WWTR1: variants seen among roughly 807,000 people sequenced by gnomAD.
The protein encoded by WWTR1 is WW domain containing transcription regulator 1.
A neutral mutation model predicts 40.1 loss-of-function variants in WWTR1; 13 were observed. The observed-to-expected ratio is 0.32, with a 90% CI of 0.21 to 0.52. The LOEUF (loss-of-function observed/expected upper bound fraction) is 0.52, where lower values mean the gene tolerates loss of function less well. Ranked by LOEUF, WWTR1 falls within the 20% of genes least tolerant of loss-of-function variation. The pLI is 0.97. For synonymous variants in WWTR1, 230 were observed against 210.1 expected, an observed-to-expected ratio of 1.09 and a Z score of -0.82; for missense variants, 436 against 523.1, an observed-to-expected ratio of 0.83 and a Z score of 1.63.
At chr3:149,599,295 T>C (rs778349259) in intron 2 of WWTR1, among the ~76,000 whole-genome samples, 38 of 152,232 alleles carry the variant, frequency 2.5e-4, no homozygotes, top group Admixed American at 3.9e-4. Flanking sequence ...ATGGTTCCCA[T>C]GGCCCATGGC....
At chr3:149,722,359 GT>G (rs1206511474) in intron 4 of WWTR1, among the ~76,000 whole-genome samples, 1 of 148,964 alleles carries the variant, frequency 6.7e-6, no homozygotes, top group South Asian at 2.1e-4. Context: ...GACATTTATT[GT>G]TTTTTTAATG....
chr3:149,652,796 A>G (rs550169626), intron 2 of WWTR1, among the ~76,000 whole-genome samples: 1 of 152,172 alleles, frequency 6.6e-6, no homozygotes, highest in East Asian at 1.9e-4. Context: ...CTAAAAGTTG[A>G]TAAATCAAAA....
At chr3:149,579,542 T>C (rs754083084) in intron 2 of WWTR1, among the ~76,000 whole-genome samples, 7 of 151,956 alleles carry the variant, frequency 4.6e-5, no homozygotes, top group Non-Finnish European at 4.4e-5. Flanking sequence ...CCAGGTGTGG[T>C]GGCTCACACC....
upstream of WWTR1, among the ~76,000 whole-genome samples, chr3:149,660,492 T>G (rs1713522332): frequency 6.6e-6 from 1 of 152,244 alleles, no homozygotes; most frequent in South Asian, 2.1e-4. Context: ...AAACTCCCAG[T>G]TCCCAAATAG....
At chr3:149,522,271 G>A (rs995597793) in intron 6 of WWTR1, among the ~76,000 whole-genome samples, 18 of 152,256 alleles carry the variant, frequency 1.2e-4, no homozygotes, top group Admixed American at 3.9e-4. Flanking sequence ...CAAAATTGCC[G>A]AAAGTTCACT....
rs539141972 is a variant in WWTR1 at position 149,545,202 on chromosome 3, C to T, written c.569-2665G>A. ...CTGGGGTGGGAGGTAAAGGGTTTTG[C>T]ACAGATGGTGTCGCAGGGGAAAAGT... is the stretch of plus-strand genomic sequence containing the variant. On this transcript the variant is annotated intron_variant, in intron 3 of 6. Transcript: ENST00000360632. Among the ~76,000 whole-genome samples, 3 of 152,194 alleles carry T rather than the reference C, an allele frequency of 2.0e-5. No homozygotes were observed. In the South Asian group the frequency reaches 6.2e-4, roughly 32 times the overall value.
At chr3:149,657,330 C>T (rs1160185197) in intron 1 of WWTR1, 21 bp from the exon 2 acceptor site, 1 of 1,595,354 alleles carries the variant, frequency 6.3e-7, no homozygotes, top group Non-Finnish European at 8.5e-7. Context: ...AAGGTCAGAT[C>T]AGCCTTTTAT....
chr3:149,668,950 T>C (rs970327298), intron 2 of WWTR1, among the ~76,000 whole-genome samples: 2 of 152,192 alleles, frequency 1.3e-5, no homozygotes, highest in African/African-American at 4.8e-5. Flanking sequence ...TAATGAATCC[T>C]CCCTTTGACT....
chr3:149,548,415 C>T (rs777908498), intron 3 of WWTR1, among the ~76,000 whole-genome samples: 9 of 152,164 alleles, frequency 5.9e-5, no homozygotes, highest in Admixed American at 2.0e-4. Context: ...TTTTTGGCCT[C>T]GGCAGGTTTC....
At chr3:149,668,795 T>G (rs1382471644) in intron 2 of WWTR1, among the ~76,000 whole-genome samples, 2 of 152,150 alleles carry the variant, frequency 1.3e-5, no homozygotes, top group Non-Finnish European at 2.9e-5. Context: ...ATAAGCTCCC[T>G]CAGACACTCC....
intron 3 of WWTR1, among the ~76,000 whole-genome samples, chr3:149,547,882 C>T (rs1256421759): frequency 6.8e-6 from 1 of 148,120 alleles, no homozygotes; most frequent in Non-Finnish European, 1.5e-5. Flanking sequence ...TTGATAAAAC[C>T]ATGCTCTGCA....
intron 2 of WWTR1, among the ~76,000 whole-genome samples, chr3:149,600,093 G>A (rs1201245433): frequency 6.6e-6 from 1 of 152,150 alleles, no homozygotes; most frequent in Non-Finnish European, 1.5e-5. Context: ...GATGTGTATA[G>A]GCTTTATGCA....
rs114799499 is a variant in WWTR1, at chr3:149,623,041, A to C, written c.431+33835T>G. Reference sequence around the variant, plus strand: ...TGCTAAGAACAAATTCTAATGAAGCACTCAGGATGCATCTTAAAAATCTTT... The same window carrying C: ...TGCTAAGAACAAATTCTAATGAAGCCCTCAGGATGCATCTTAAAAATCTTT... On this transcript the variant is annotated intron_variant, in intron 2 of 6. Coordinates refer to ENST00000360632, the MANE Select transcript of WWTR1 (RefSeq NM_015472.6). 6.5e-3 allele frequency among the ~76,000 whole-genome samples: 996 copies of C among 152,220 alleles called. 8 individuals are homozygous for C. The highest frequency in any genetic ancestry group is 0.023 in the African/African-American group (959 of 41,512).
chr3:149,660,560 A>G (rs2108172653), upstream of WWTR1, among the ~76,000 whole-genome samples: 1 of 152,378 alleles, frequency 6.6e-6, no homozygotes, highest in Non-Finnish European at 1.5e-5. Context: ...AGCCATTCCA[A>G]CAACAGCTTC....
chr3:149,562,385 T>C (rs1239477200), intron 3 of WWTR1, among the ~76,000 whole-genome samples: 1 of 152,126 alleles, frequency 6.6e-6, no homozygotes. Context: ...TTCCAACTAT[T>C]TTTATGTTTG....
intron 3 of WWTR1, among the ~76,000 whole-genome samples, chr3:149,548,445 T>C (rs1205482225): frequency 1.3e-5 from 2 of 152,222 alleles, no homozygotes; most frequent in African/African-American, 4.8e-5. Flanking sequence ...CTCTTCTATG[T>C]CCTGGGCTTG....
intron 1 of WWTR1, among the ~76,000 whole-genome samples, chr3:149,690,236 AC>A (rs1714775580): frequency 2.0e-5 from 3 of 152,304 alleles, no homozygotes; most frequent in Non-Finnish European, 2.9e-5. Flanking sequence ...AAACCAAAAA[AC>A]AACAAACTGG....
intron 1 of WWTR1, among the ~76,000 whole-genome samples, chr3:149,701,340 C>A (rs1220862335): frequency 6.6e-6 from 1 of 152,144 alleles, no homozygotes; most frequent in Non-Finnish European, 1.5e-5. Context: ...CCTTTCCGAT[C>A]ACCTGTGTTC....
intron 1 of WWTR1, among the ~76,000 whole-genome samples, chr3:149,687,585 T>C (rs1020969314): frequency 6.6e-6 from 1 of 152,218 alleles, no homozygotes; most frequent in African/African-American, 2.4e-5. Context: ...TTTACTATCA[T>C]TTCCATTTTG....
Sources: gnomAD v4.1 joint callset for allele counts (sites outside exome capture counted in the v4.1 genomes callset) on GRCh38, gnomAD v4.1.1 for gene constraint, MANE v1.5 for transcripts, NCBI Gene and HGNC (gene_info 2026-07-23, HGNC 2026-07-21) for gene names.